HACD1: variants seen among roughly 807,000 people sequenced by gnomAD.
The protein encoded by HACD1 is very-long-chain (3R)-3-hydroxyacyl-CoA dehydratase 1.
HACD1 carries 41 observed loss-of-function variants against 32.0 expected under a neutral mutation model. The ratio of observed to expected loss-of-function variants is 1.28; its 90% CI spans 1.00 to 1.66. The LOEUF (loss-of-function observed/expected upper bound fraction) is 1.66. HACD1 is among the 40% of genes most tolerant of loss of function. The probability of loss-of-function intolerance (pLI) is 0.00; values close to 1 mark genes in which losing one functional copy is unlikely to be tolerated. For synonymous variants in HACD1, 142 were observed against 139.0 expected, an observed-to-expected ratio of 1.02 and a Z score of -0.15; for missense variants, 396 against 380.1, an observed-to-expected ratio of 1.04 and a Z score of -0.35.
rs879967256 is a variant in HACD1, at chr10:17,602,892, AT to A, written c.483+667del. Reference sequence around the variant, plus strand: ...AATACTCAATGCTAAATAAGATATAATTTTTTTTTTTTTCAGACGGAGTCTC... The same window carrying A: ...AATACTCAATGCTAAATAAGATATAATTTTTTTTTTTTCAGACGGAGTCTC... On this transcript the variant is annotated intron_variant, in intron 4 of 6. Transcript: ENST00000361271. 4.8e-3 allele frequency: 695 copies of A among 145,718 alleles called. 3 individuals are homozygous for A. The highest frequency in any genetic ancestry group is 0.015 in the African/African-American group (594 of 40,018). The allele number at this position is 145,718 out of a possible 1,614,324, so 9.0% of individuals were successfully genotyped here.
intron 6 of HACD1, among the ~76,000 whole-genome samples, chr10:17,593,788 G>A (rs1833958943): frequency 6.6e-6 from 1 of 152,180 alleles, no homozygotes; most frequent in Non-Finnish European, 1.5e-5. Context: ...ACTCCTAGAT[G>A]ATTTTTCCAA....
chr10:17,591,261 A>G (rs1300720859), intron 6 of HACD1, among the ~76,000 whole-genome samples: 1 of 152,070 alleles, frequency 6.6e-6, no homozygotes, highest in Non-Finnish European at 1.5e-5. Context: ...CTGTTTTCTC[A>G]GGGGTGCGTA....
intron 1 of HACD1, 122 bp downstream of exon 1, chr10:17,616,961 T>TC: frequency 4.5e-6 from 5 of 1,115,880 alleles, no homozygotes; most frequent in South Asian, 3.5e-5. Flanking sequence ...ACAGCTCCCT[T>TC]CCCCCACGGC....
chr10:17,606,807 T>C (rs1012566737), intron 1 of HACD1, among the ~76,000 whole-genome samples: 1 of 152,216 alleles, frequency 6.6e-6, no homozygotes, highest in African/African-American at 2.4e-5. Flanking sequence ...ACAATGACAA[T>C]AATAAGTGTA....
At chr10:17,615,784 T>TGGCCTG (rs1833068724) in intron 1 of HACD1, 1 of 415,644 alleles carries the variant, frequency 2.4e-6, no homozygotes, top group Admixed American at 2.6e-5. Context: ...CTGGCCAACA[T>TGGCCTG]GGTGATACCC....
rs1010231301 is a variant in HACD1, at chr10:17,608,115, T to A, written c.258-4068A>T. Among the ~76,000 whole-genome samples the A allele has an allele frequency of 2.6e-5, 4 of 152,052 alleles. No individual in the cohort carries two copies. The East Asian group carries it at 5.8e-4, about 22-fold the overall frequency. ...GCCTTGGGTTCCCAGGCTTCAGCAA[T>A]CTTCCCACCTCAGCCTCTCGAGTAG... On this transcript the variant is annotated intron_variant, in intron 1 of 6. Transcript: ENST00000361271.
intron 1 of HACD1, among the ~76,000 whole-genome samples, chr10:17,609,422 G>A (rs2131519088): frequency 6.6e-6 from 1 of 152,042 alleles, no homozygotes; most frequent in Admixed American, 6.6e-5. Context: ...TAAAGTGCTG[G>A]GATTACAAGT....
Position 17,589,662 on chromosome 10 carries a change from C to A in HACD1, c.*702G>T, listed in dbSNP as rs1564502698. On this transcript the variant is annotated 3_prime_UTR_variant, in exon 7 of 7. Coordinates refer to ENST00000361271, the MANE Select transcript of HACD1 (RefSeq NM_014241.4). ...GGCAAATACTTATGCTCTTCCTAAC[C>A]CCTTAAAACCTTCACAGTTGAAAAC... The A allele has an allele frequency of 6.6e-6, 1 of 152,002 alleles. No homozygotes were observed. Among genetic ancestry groups the A allele is most frequent in the Non-Finnish European group, 1.5e-5 (1 of 68,028 alleles). 9.4% of individuals were successfully genotyped at this position (152,002 alleles called of 1,614,324 possible). A position where few individuals can be genotyped will look rare whatever the true frequency, so the allele number is the denominator to read the frequency against.
Position 17,589,060 on chromosome 10 carries a change from G to A in HACD1, c.*1304C>T, listed in dbSNP as rs1367199461. 1 of 152,054 alleles carries A rather than the reference G, an allele frequency of 6.6e-6. No individual in the cohort carries two copies. The highest frequency in any genetic ancestry group is 1.5e-5 in the Non-Finnish European group (1 of 68,014). 9.4% of individuals were successfully genotyped at this position (152,054 alleles called of 1,614,324 possible). ...GGTGTATTTTTTTTATTAAACACAA[G>A]GACAGGAACTTTATTACAAGACCTT... On this transcript the variant is annotated 3_prime_UTR_variant, in exon 7 of 7. Transcript: ENST00000361271.
At chr10:17,607,718 C>T (rs1377465678) in intron 1 of HACD1, among the ~76,000 whole-genome samples, 6 of 152,164 alleles carry the variant, frequency 3.9e-5, no homozygotes, top group African/African-American at 1.4e-4. Context: ...AGCATAGTAT[C>T]ATGATCGTGC....
intron 1 of HACD1, among the ~76,000 whole-genome samples, chr10:17,612,324 C>A (rs1832996458): frequency 6.6e-6 from 1 of 151,982 alleles, no homozygotes; most frequent in Non-Finnish European, 1.5e-5. Flanking sequence ...CAGATGAAAA[C>A]CTGACAGACT....
chr10:17,613,115 TGTGTGTGTGTGTGTGTGTGTGTGTGTG>T (rs1833016181), intron 1 of HACD1, among the ~76,000 whole-genome samples: 1 of 133,794 alleles, frequency 7.5e-6, no homozygotes, highest in Admixed American at 8.2e-5. Flanking sequence ...TGTGTGTGTG[TGTGTGTGTGTGTGTGTGTGTGTGTGTG>T]TGTGTTTTGT....
chr10:17,594,072 T>C lies in HACD1; in HGVS notation c.784+133A>G, dbSNP rs72780763. 2,655 of 795,080 alleles carry C rather than the reference T, an allele frequency of 3.3e-3. 10 individuals carry two copies. The highest frequency in any genetic ancestry group is 4.2e-3 in the Non-Finnish European group (2,425 of 577,592). The allele number at this position is 795,080 out of a possible 1,614,324, so 49.3% of individuals were successfully genotyped here. A position where few individuals can be genotyped will look rare whatever the true frequency, so the allele number is the denominator to read the frequency against. On this transcript the variant is annotated intron_variant, in intron 6 of 6. Transcript: ENST00000361271. ...TCACTTTTCCCAAATTATCAGTAAATATGGAGTTAAACCGAAGTTTTAATG... is the reference window on the plus strand; with the variant it reads ...TCACTTTTCCCAAATTATCAGTAAACATGGAGTTAAACCGAAGTTTTAATG...
intron 6 of HACD1, among the ~76,000 whole-genome samples, chr10:17,593,169 C>CA (rs1248014815): frequency 4.0e-4 from 60 of 151,106 alleles, no homozygotes; most frequent in Non-Finnish European, 5.3e-4. Context: ...GACTCTGTCT[C>CA]AAAAAAAACA....
intron 1 of HACD1, among the ~76,000 whole-genome samples, chr10:17,607,369 G>A (rs1834162786): frequency 6.6e-6 from 1 of 152,122 alleles, no homozygotes; most frequent in Non-Finnish European, 1.5e-5. Context: ...TGATCCTACA[G>A]CACTCATCGG....
intron 1 of HACD1, 146 bp downstream of exon 1, chr10:17,616,937 C>T: frequency 2.2e-6 from 2 of 919,288 alleles, no homozygotes; most frequent in Non-Finnish European, 1.4e-6. Flanking sequence ...TCAACCCCGG[C>T]GGTGGCCGCG....
At chr10:17,610,131 T>A (rs1038767748) in intron 1 of HACD1, among the ~76,000 whole-genome samples, 5 of 152,272 alleles carry the variant, frequency 3.3e-5, no homozygotes, top group Admixed American at 3.3e-4. Flanking sequence ...TGATTTGTAA[T>A]AGCAAAAACT....
At chr10:17,593,874 T>A (rs1833960531) in intron 6 of HACD1, among the ~76,000 whole-genome samples, 1 of 152,236 alleles carries the variant, frequency 6.6e-6, no homozygotes, top group Non-Finnish European at 1.5e-5. Flanking sequence ...CATATAATTC[T>A]AAATGCTTGT....
chr10:17,612,876 C>G (rs1303616898), intron 1 of HACD1, among the ~76,000 whole-genome samples: 2 of 150,300 alleles, frequency 1.3e-5, no homozygotes, highest in Non-Finnish European at 3.0e-5. Flanking sequence ...GAGCCGAGAT[C>G]TCCCCACTGC....
Sources: allele counts gnomAD v4.1 joint callset (sites outside exome capture counted in the v4.1 genomes callset), GRCh38; gene constraint gnomAD v4.1.1; transcripts MANE v1.5; gene names NCBI Gene and HGNC (gene_info 2026-07-23, HGNC 2026-07-21).